Variants in HCN1 observed in about 807,000 individuals in gnomAD.
HCN1 encodes hyperpolarization activated cyclic nucleotide gated potassium channel 1.
In HCN1, 13 loss-of-function variants were observed where a neutral mutation model predicts 78.9. The observed-to-expected ratio is 0.16, with a 90% CI of 0.11 to 0.26. The LOEUF (loss-of-function observed/expected upper bound fraction) is 0.26, where lower values mean the gene tolerates loss of function less well. HCN1 is among the 10% of genes least tolerant of loss of function. HCN1 has a pLI of 1.00. For synonymous variants in HCN1, 552 were observed against 455.5 expected (o/e 1.21, Z -2.70); for missense variants, 810 against 1,154.3 (o/e 0.70, Z 4.32).
intron 4 of HCN1, among the ~76,000 whole-genome samples, chr5:45,363,338 C>T (rs1430369186): frequency 6.6e-6 from 1 of 151,324 alleles, no homozygotes; most frequent in African/African-American, 2.4e-5. Flanking sequence ...CTCAGCTCAA[C>T]CTAGAGTTGC....
At chr5:45,359,741 C>T (rs1392066368) in intron 4 of HCN1, among the ~76,000 whole-genome samples, 2 of 151,668 alleles carry the variant, frequency 1.3e-5, no homozygotes, top group Admixed American at 6.6e-5. Context: ...AAGGCATAGA[C>T]CTTCATCTGC....
intron 2 of HCN1, among the ~76,000 whole-genome samples, chr5:45,498,910 G>C (rs1423679679): frequency 1.3e-5 from 2 of 152,160 alleles, no homozygotes; most frequent in Non-Finnish European, 2.9e-5. Flanking sequence ...TCAGGGGTCA[G>C]GGACCCACTT....
intron 4 of HCN1, among the ~76,000 whole-genome samples, chr5:45,383,494 C>G (rs1048839910): frequency 6.6e-6 from 1 of 152,070 alleles, no homozygotes; most frequent in African/African-American, 2.4e-5. Flanking sequence ...TCAAGAGTTT[C>G]AGACCAGCCT....
chr5:45,445,869 A>T (rs1040313050), intron 3 of HCN1, among the ~76,000 whole-genome samples: 1 of 152,214 alleles, frequency 6.6e-6, no homozygotes, highest in African/African-American at 2.4e-5. Flanking sequence ...AAGGACATGC[A>T]CACCAAAAAC....
At chr5:45,355,191 A>C (rs1370919433) in intron 4 of HCN1, among the ~76,000 whole-genome samples, 1 of 152,056 alleles carries the variant, frequency 6.6e-6, no homozygotes, top group Non-Finnish European at 1.5e-5. Flanking sequence ...AAAATTTTAA[A>C]GTTATATGAC....
At chr5:45,402,584 A>G (rs1219896197) in intron 3 of HCN1, among the ~76,000 whole-genome samples, 2 of 152,194 alleles carry the variant, frequency 1.3e-5, no homozygotes, top group Admixed American at 1.3e-4. Flanking sequence ...AGAAGTCAGT[A>G]TAAATGTTAT....
At chr5:45,630,882 ATT>A (rs1302142054) in intron 2 of HCN1, among the ~76,000 whole-genome samples, 1 of 152,090 alleles carries the variant, frequency 6.6e-6, no homozygotes, top group African/African-American at 2.4e-5. Flanking sequence ...TAAGAAATTA[ATT>A]TTTGTGTATT....
chr5:45,528,496 T>A (rs1256755608), intron 2 of HCN1, among the ~76,000 whole-genome samples: 1 of 151,972 alleles, frequency 6.6e-6, no homozygotes, highest in Non-Finnish European at 1.5e-5. Flanking sequence ...TTCATTTTGA[T>A]TTTTGGTTAT....
At position 45,590,437 on chromosome 5, in the gene HCN1, A is replaced by G. The variant is rs73103058; in HGVS notation, c.849+54748T>C. 8.4e-3 allele frequency among the ~76,000 whole-genome samples: 1,279 copies of G among 152,244 alleles called. 23 individuals carry two copies. The highest frequency in any genetic ancestry group is 0.03 in the African/African-American group (1,252 of 41,534). ...CAGTGGAATGTTTGTGAGGTTATCA[A>G]TTGTTTATTTCATAGATTGTGGCTT... On this transcript the variant is annotated intron_variant, in intron 2 of 7. Transcript: ENST00000303230.
chr5:45,310,773 T>A (rs981285506), intron 5 of HCN1, among the ~76,000 whole-genome samples: 2 of 152,124 alleles, frequency 1.3e-5, no homozygotes, highest in Non-Finnish European at 2.9e-5. Flanking sequence ...CAAATGCTCA[T>A]CAATGAATGA....
chr5:45,593,271 G>A (rs1316311139), intron 2 of HCN1, among the ~76,000 whole-genome samples: 3 of 144,302 alleles, frequency 2.1e-5, no homozygotes, highest in African/African-American at 7.8e-5. Flanking sequence ...GAGAAATCCA[G>A]AGACAAAGGT....
chr5:45,328,631 C>A (rs73099458), intron 5 of HCN1, among the ~76,000 whole-genome samples: 50 of 151,716 alleles, frequency 3.3e-4, no homozygotes, highest in African/African-American at 5.3e-4. Context: ...AGAGGATTCA[C>A]GTCCCAAAGG....
Position 45,258,655 on chromosome 5 carries a change from G to C in HCN1, c.*3266C>G, listed in dbSNP as rs1744670029. On this transcript the variant is annotated 3_prime_UTR_variant, in exon 8 of 8. Transcript: ENST00000303230. ...TCCAAATAACTTTGCAGGGCCCAAG[G>C]CTATAAATATGAATATATTTATACA... 1 of 151,920 alleles carries C rather than the reference G, an allele frequency of 6.6e-6. No homozygotes were observed. The highest frequency in any genetic ancestry group is 1.5e-5 in the Non-Finnish European group (1 of 67,946). 9.4% of individuals were successfully genotyped at this position (151,920 alleles called of 1,614,324 possible).
chr5:45,471,832 C>T (rs1189529174), intron 2 of HCN1, among the ~76,000 whole-genome samples: 1 of 151,928 alleles, frequency 6.6e-6, no homozygotes, highest in East Asian at 1.9e-4. Flanking sequence ...TGTTGGACTG[C>T]TGTTACTGAG....
intron 3 of HCN1, among the ~76,000 whole-genome samples, chr5:45,430,848 T>G (rs937101916): frequency 1.3e-5 from 2 of 152,158 alleles, no homozygotes; most frequent in Non-Finnish European, 2.9e-5. Flanking sequence ...ACTCCACTAT[T>G]CATGGGCATT....
intron 5 of HCN1, among the ~76,000 whole-genome samples, chr5:45,327,022 G>T (rs1444911415): frequency 6.6e-6 from 1 of 151,690 alleles, no homozygotes; most frequent in Non-Finnish European, 1.5e-5. Flanking sequence ...TTAAGGAATT[G>T]TATATTGACA....
At chr5:45,573,526 T>C (rs909984697) in intron 2 of HCN1, among the ~76,000 whole-genome samples, 1 of 152,144 alleles carries the variant, frequency 6.6e-6, no homozygotes, top group African/African-American at 2.4e-5. Context: ...TCTTACTTTT[T>C]TGTACATTTA....
At chr5:45,557,071 A>G (rs1286048703) in intron 2 of HCN1, among the ~76,000 whole-genome samples, 1 of 152,090 alleles carries the variant, frequency 6.6e-6, no homozygotes, top group African/African-American at 2.4e-5. Context: ...AAGACTTACA[A>G]CCTTCAAATA....
At chr5:45,521,131 G>A (rs1198353289) in intron 2 of HCN1, among the ~76,000 whole-genome samples, 1 of 151,774 alleles carries the variant, frequency 6.6e-6, no homozygotes, top group East Asian at 1.9e-4. Context: ...GAAAAGAGAG[G>A]TTCAGGAATC....
Sources: gnomAD v4.1 joint callset for allele counts (sites outside exome capture counted in the v4.1 genomes callset) on GRCh38, gnomAD v4.1.1 for gene constraint, MANE v1.5 for transcripts, NCBI Gene and HGNC (gene_info 2026-07-23, HGNC 2026-07-21) for gene names.